CLCNKA: variants seen among roughly 807,000 people sequenced by gnomAD.
CLCNKA encodes chloride voltage-gated channel Ka, also known as chloride channel protein ClC-Ka.
In CLCNKA, 66 loss-of-function variants were observed where a neutral mutation model predicts 83.3. That is an observed-to-expected ratio of 0.79 (90% CI 0.65 to 0.97). The LOEUF is 0.97. Ranked by LOEUF, CLCNKA falls within the 50% of genes least tolerant of loss-of-function variation. CLCNKA has a pLI of 0.00. For synonymous variants in CLCNKA, 357 were observed against 370.4 expected, an observed-to-expected ratio of 0.96 and a Z score of 0.42; for missense variants, 806 against 888.7, an observed-to-expected ratio of 0.91 and a Z score of 1.18.
rs199962499 is a variant in CLCNKA at position 16,028,815 on chromosome 1, G to A, written c.1023G>A (p.Pro341=). The change falls in exon 11 of 20, where the codon CCG becomes CCA. Residue 341 remains proline (P), a synonymous_variant. Coordinates refer to ENST00000331433, the MANE Select transcript of CLCNKA (RefSeq NM_004070.4). ...ATLLLASITY[P]PGVGHFLASR... is the part of the protein sequence containing the mutation. ...TGCTTCTCGCCTCCATCACCTACCC[G>A]CCTGGTGTGGGCCACTTCCTAGCTT... The A allele has an allele frequency of 2.5e-4, 408 of 1,613,860 alleles. 1 individual carries two copies. Among genetic ancestry groups the A allele is most frequent in the South Asian group, 2.1e-3 (195 of 91,088 alleles).
chr1:16,032,933 T>C (rs150186361), intron 18 of CLCNKA, among the ~76,000 whole-genome samples: 2 of 152,360 alleles, frequency 1.3e-5, no homozygotes, highest in Non-Finnish European at 1.5e-5. Flanking sequence ...CCGCCCCCTC[T>C]GTGCTGCTGG....
chr1:16,032,083 A>T (rs2022646768), intron 16 of CLCNKA, 120 bp from the exon 17 acceptor site: 1 of 1,184,042 alleles, frequency 8.4e-7, no homozygotes, highest in Non-Finnish European at 1.3e-6. Flanking sequence ...CTTGTAAGGC[A>T]GTCCCTGGGC....
Position 16,027,431 on chromosome 1 carries a change from G to T in CLCNKA, c.777G>T (p.Glu259Asp). The T allele has an allele frequency of 6.2e-7, 1 of 1,613,868 alleles. No individual in the cohort carries two copies. Residue 259 changes from glutamate (E) to aspartate (D), a missense_variant, in exon 8 of 20, where the codon GAG becomes GAT. Physicochemically the swap from Glu to Asp is conservative, Grantham distance 45. Coordinates refer to ENST00000331433, the MANE Select transcript of CLCNKA (RefSeq NM_004070.4). ...GGCTCCTGGCAGTCTTCAACAGCGAGCAGGGTGAGCCCCCTGGGCTGCCTG... is the reference window on the plus strand; with the variant it reads ...GGCTCCTGGCAGTCTTCAACAGCGATCAGGGTGAGCCCCCTGGGCTGCCTG... ...IFRLLAVFNS[E>D]QETITSLYKT...
Position 16,022,060 on chromosome 1 carries a change from A to C in CLCNKA, c.-11A>C, listed in dbSNP as rs2022150681. 6.5e-6 allele frequency: 1 copy of C among 153,404 alleles called. No homozygotes were observed. The highest frequency in any genetic ancestry group is 1.4e-5 in the Non-Finnish European group (1 of 68,994). 9.5% of individuals were successfully genotyped at this position (153,404 alleles called of 1,614,324 possible). ...CAGTTCAGCCGCAGCAGGAGGACTGACAGGTGAGGGGTCTCTGGGCGTGGA... is the reference window on the plus strand; with the variant it reads ...CAGTTCAGCCGCAGCAGGAGGACTGCCAGGTGAGGGGTCTCTGGGCGTGGA... On this transcript the variant is annotated 5_prime_UTR_variant, in exon 1 of 20. Coordinates refer to ENST00000331433, the MANE Select transcript of CLCNKA (RefSeq NM_004070.4).
chr1:16,031,859 G>T lies in CLCNKA; in HGVS notation c.1756+16G>T. Reference sequence around the variant, plus strand: ...GAGAGCACAGGTGCCCAGCTGGAAGGGAGGAGGAAGTCGGGGGTAGGGGAT... The same window carrying T: ...GAGAGCACAGGTGCCCAGCTGGAAGTGAGGAGGAAGTCGGGGGTAGGGGAT... On this transcript the variant is annotated intron_variant, in intron 16 of 19. Transcript: ENST00000331433. 6.2e-7 allele frequency: 1 copy of T among 1,613,630 alleles called. No homozygotes were observed. Among genetic ancestry groups the T allele is most frequent in the East Asian group, 2.2e-5 (1 of 44,880 alleles).
chr1:16,026,042 C>T (rs2022330967), intron 4 of CLCNKA, 66 bp from the exon 5 acceptor site: 1 of 1,606,802 alleles, frequency 6.2e-7, no homozygotes. Flanking sequence ...GCGTGAGCCA[C>T]TGCGCCTGGC....
At chr1:16,028,173 A>T in intron 10 of CLCNKA, 54 bp downstream of exon 10, 1 of 1,517,038 alleles carries the variant, frequency 6.6e-7, no homozygotes, top group Non-Finnish European at 9.2e-7. Flanking sequence ...TGTGGACTCC[A>T]GACCTTATGT....
intron 15 of CLCNKA, among the ~76,000 whole-genome samples, chr1:16,031,157 A>G (rs2022609196): frequency 6.6e-6 from 1 of 152,168 alleles, no homozygotes; most frequent in Admixed American, 6.5e-5. Context: ...AAGCAGACCA[A>G]AGAGGCTCTG....
Position 16,029,315 on chromosome 1 carries a change from C to T in CLCNKA, c.1227+16C>T. On this transcript the variant is annotated intron_variant, in intron 12 of 19. Coordinates refer to ENST00000331433, the MANE Select transcript of CLCNKA (RefSeq NM_004070.4). ...GGTTATGAAGGTGGGCCCCCTGACCCCCAGGTGTGCACAGAGCCAGGACCA... is the reference window on the plus strand; with the variant it reads ...GGTTATGAAGGTGGGCCCCCTGACCTCCAGGTGTGCACAGAGCCAGGACCA... 1 of 1,613,624 alleles carries T rather than the reference C, an allele frequency of 6.2e-7. No homozygotes were observed.
At chr1:16,029,529 G>C (rs1400990418) in intron 12 of CLCNKA, among the ~76,000 whole-genome samples, 1 of 152,174 alleles carries the variant, frequency 6.6e-6, no homozygotes, top group Non-Finnish European at 1.5e-5. Flanking sequence ...AGGAAGAAAG[G>C]AATGTACCTG....
In CLCNKA at chr1:16,027,910, G is replaced by A. The variant is rs764690903; in HGVS notation, c.866+5G>A. ...CTTCTTTTTTGTGGCGCTGGGGTGA[G>A]TGGGTGCCTTGGGCCCCTGAGAGTC... is the stretch of plus-strand genomic sequence containing the variant. On this transcript the variant is annotated splice_donor_5th_base_variant and intron_variant, in intron 9 of 19. Coordinates refer to ENST00000331433, the MANE Select transcript of CLCNKA (RefSeq NM_004070.4). The A allele has an allele frequency of 3.1e-6, 5 of 1,613,804 alleles. No individual in the cohort carries two copies. Among genetic ancestry groups the A allele is most frequent in the South Asian group, 1.1e-5 (1 of 91,078 alleles).
At chr1:16,032,165 A>T (rs201166986) in intron 16 of CLCNKA, 38 bp from the exon 17 acceptor site, 35 of 1,583,036 alleles carry the variant, frequency 2.2e-5, no homozygotes, top group Non-Finnish European at 5.2e-6. Context: ...CTGTTTCTTC[A>T]TAATGCACCT....
intron 1 of CLCNKA, 33 bp from the exon 2 acceptor site, chr1:16,022,580 C>A: frequency 6.7e-7 from 1 of 1,495,596 alleles, no homozygotes. Context: ...TGCAGCAGCT[C>A]ACCCGGGTCC....
chr1:16,029,045 G>C, intron 11 of CLCNKA, 81 bp from the exon 12 acceptor site: 4 of 1,564,400 alleles, frequency 2.6e-6, no homozygotes, highest in Non-Finnish European at 3.5e-6. Context: ...GATTCCAGGC[G>C]GGGTCAGGCG....
intron 18 of CLCNKA, 63 bp downstream of exon 18, chr1:16,032,589 G>T: frequency 1.6e-6 from 2 of 1,289,378 alleles, no homozygotes; most frequent in Non-Finnish European, 2.3e-6. Flanking sequence ...CTGATGAGGA[G>T]CTCAGGCTCC....
rs1411158572 is a variant in CLCNKA, at chr1:16,029,951, A to G, written c.1298-14A>G. ...GGTCAGCCTGGCTCCCCCTCACCCT[A>G]AGTCTGTGGCCAGGAGCTGCCATCG... On this transcript the variant is annotated splice_polypyrimidine_tract_variant and intron_variant, in intron 13 of 19. Transcript: ENST00000331433. The G allele has an allele frequency of 1.2e-6, 2 of 1,606,456 alleles. No individual in the cohort carries two copies. The highest frequency in any genetic ancestry group is 2.7e-5 in the African/African-American group (2 of 74,744).
rs1262073645 is a variant in CLCNKA at position 16,027,382 on chromosome 1, C to T, written c.728C>T (p.Ala243Val). The T allele has an allele frequency of 6.2e-7, 1 of 1,613,900 alleles. No individual in the cohort carries two copies. The highest frequency in any genetic ancestry group is 8.5e-7 in the Non-Finnish European group (1 of 1,180,020). ...VRDYWRGFFA[A>V]TCGAFIFRLL... is the part of the protein sequence containing the mutation. Reference sequence around the variant, plus strand: ...GATTACTGGAGGGGCTTCTTTGCGGCCACCTGCGGGGCCTTCATATTCCGG... The same window carrying T: ...GATTACTGGAGGGGCTTCTTTGCGGTCACCTGCGGGGCCTTCATATTCCGG... The change falls in exon 8 of 20, where the codon GCC (alanine) becomes GTC (valine). Residue 243 changes from alanine to valine, a missense_variant. Coordinates refer to ENST00000331433, the MANE Select transcript of CLCNKA (RefSeq NM_004070.4).
At chr1:16,030,191 C>T (rs113005498) in intron 14 of CLCNKA, 116 bp downstream of exon 14, 9 of 798,084 alleles carry the variant, frequency 1.1e-5, no homozygotes, top group African/African-American at 6.8e-5. Context: ...CAGTGAACCC[C>T]CTACCCCTCA....
chr1:16,027,481 G>A (rs1255972459), intron 8 of CLCNKA, 46 bp downstream of exon 8: 13 of 1,609,138 alleles, frequency 8.1e-6, no homozygotes, highest in Non-Finnish European at 9.3e-6. Flanking sequence ...TGGGGGCCGG[G>A]GCGAGGGAGA....
Sources: gnomAD v4.1 joint callset for allele counts (sites outside exome capture counted in the v4.1 genomes callset) on GRCh38, gnomAD v4.1.1 for gene constraint, MANE v1.5 for transcripts, NCBI Gene and HGNC (gene_info 2026-07-23, HGNC 2026-07-21) for gene names.